The following RREB1 variants were observed in gnomAD, a reference collection of about 807,000 sequenced individuals.
RREB1 encodes the protein ras-responsive element-binding protein 1.
RREB1 carries 27 observed loss-of-function variants against 117.8 expected under a neutral mutation model. The ratio of observed to expected loss-of-function variants is 0.23; its 90% confidence interval spans 0.17 to 0.32. RREB1 has a LOEUF of 0.32. Ranked by LOEUF, RREB1 falls within the 10% of genes least tolerant of loss-of-function variation. RREB1 has a pLI of 1.00. For missense variants in RREB1, 2,577 were observed against 2,378.2 expected (o/e 1.08, Z -1.74); for synonymous variants, 1,298 against 1,026.7 (o/e 1.26, Z -5.05).
At chr6:7,108,187 C>G (rs1287143453) in intron 1 of RREB1, 127 bp downstream of exon 1, 5 of 152,222 alleles carry the variant, frequency 3.3e-5, no homozygotes, top group African/African-American at 4.8e-5. Context: ...GCGCGTTGTA[C>G]TTTTGAAACT....
At position 7,124,638 on chromosome 6, in the gene RREB1, T is replaced by G. The variant is rs141368977; in HGVS notation, c.-285+16578T>G. Among the ~76,000 whole-genome samples, 131 of 152,348 alleles carry G rather than the reference T, an allele frequency of 8.6e-4. 2 individuals are homozygous for G. The East Asian group carries it at 0.023, about 27-fold the overall frequency. ...TTGTTATAATTTAGTTTTCACCCTT[T>G]GTTGGTTGTTAGGCTTTTCATGTAG... On this transcript the variant is annotated intron_variant, in intron 1 of 12. Coordinates refer to ENST00000379938, the MANE Select transcript of RREB1 (RefSeq NM_001003699.4).
At chr6:7,228,525 G>A (rs894878613) in intron 9 of RREB1, among the ~76,000 whole-genome samples, 1 of 132,318 alleles carries the variant, frequency 7.6e-6, no homozygotes, top group Non-Finnish European at 1.6e-5. Flanking sequence ...TTTTTTTAAG[G>A]CAGAGTCTTG....
intron 1 of RREB1, among the ~76,000 whole-genome samples, chr6:7,161,579 A>G (rs1446271123): frequency 1.3e-5 from 2 of 152,118 alleles, no homozygotes; most frequent in Non-Finnish European, 1.5e-5. Context: ...GGGATCCCCC[A>G]TGCCCTCCTT....
At chr6:7,210,034 G>A (rs1766497213) in intron 6 of RREB1, among the ~76,000 whole-genome samples, 1 of 152,180 alleles carries the variant, frequency 6.6e-6, no homozygotes, top group Non-Finnish European at 1.5e-5. Context: ...TATATCTTGG[G>A]ACCTTGTTCT....
chr6:7,197,597 C>A (rs1321310895), intron 6 of RREB1, among the ~76,000 whole-genome samples: 1 of 152,172 alleles, frequency 6.6e-6, no homozygotes, highest in Non-Finnish European at 1.5e-5. Context: ...ACTCATGAGG[C>A]GGAGGCTGCA....
chr6:7,119,963 T>G (rs1561726151), intron 1 of RREB1, among the ~76,000 whole-genome samples: 1 of 152,110 alleles, frequency 6.6e-6, no homozygotes, highest in Non-Finnish European at 1.5e-5. Context: ...AAGGGAGACA[T>G]GACTTCCTGG....
intron 6 of RREB1, among the ~76,000 whole-genome samples, chr6:7,190,289 T>G (rs1765334778): frequency 6.6e-6 from 1 of 152,190 alleles, no homozygotes; most frequent in African/African-American, 2.4e-5. Context: ...AGATTTTTTT[T>G]GTTTTATTAT....
At position 7,230,601 on chromosome 6, in the gene RREB1, A is replaced by T. The variant is rs760737036; in HGVS notation, c.2502A>T (p.Ala834=). ...YVLAADGLGP[A]EAPAAEASGR... ...TGGCCGCCGACGGCCTGGGCCCCGCAGAGGCGCCGGCCGCTGAGGCGTCGG... is the reference window on the plus strand; with the variant it reads ...TGGCCGCCGACGGCCTGGGCCCCGCTGAGGCGCCGGCCGCTGAGGCGTCGG... Residue 834 remains alanine, a synonymous_variant, in exon 10 of 13, where the codon GCA becomes GCT. Transcript: ENST00000379938. The T allele has an allele frequency of 6.2e-7, 1 of 1,604,054 alleles. No individual in the cohort carries two copies. Among genetic ancestry groups the T allele is most frequent in the Non-Finnish European group, 8.5e-7 (1 of 1,175,650 alleles).
chr6:7,192,341 C>T (rs1174125085), intron 6 of RREB1, among the ~76,000 whole-genome samples: 1 of 151,680 alleles, frequency 6.6e-6, no homozygotes, highest in Admixed American at 6.6e-5. Context: ...TACAGGCGTG[C>T]ACCACCACTC....
intron 1 of RREB1, among the ~76,000 whole-genome samples, chr6:7,164,558 G>A (rs1219652548): frequency 2.0e-5 from 3 of 152,216 alleles, no homozygotes; most frequent in Admixed American, 2.0e-4. Flanking sequence ...CCACTGGTGT[G>A]TGAGTTCCCT....
intron 1 of RREB1, chr6:7,108,761 G>A (rs1760973765): frequency 6.6e-6 from 1 of 151,922 alleles, no homozygotes; most frequent in African/African-American, 2.4e-5. Context: ...GGGCTGCTCG[G>A]TGGGAGCATC....
intron 6 of RREB1, among the ~76,000 whole-genome samples, chr6:7,190,308 A>G (rs1337366246): frequency 6.6e-6 from 1 of 152,050 alleles, no homozygotes; most frequent in Non-Finnish European, 1.5e-5. Context: ...ATTTTCTTTC[A>G]TGCTATTTTG....
At chr6:7,169,400 G>A (rs1177557400) in intron 1 of RREB1, among the ~76,000 whole-genome samples, 5 of 152,194 alleles carry the variant, frequency 3.3e-5, no homozygotes, top group South Asian at 2.1e-4. Context: ...GAGTAGAGAC[G>A]ATACATGTTT....
chr6:7,231,113 C>T lies in RREB1; in HGVS notation c.3014C>T (p.Ala1005Val). The T allele has an allele frequency of 6.2e-7, 1 of 1,612,896 alleles. No individual in the cohort carries two copies. Among genetic ancestry groups the T allele is most frequent in the East Asian group, 2.2e-5 (1 of 44,858 alleles). Residue 1005 changes from alanine (A) to valine (V), a missense_variant, in exon 10 of 13, where the codon GCA (alanine) becomes GTA (valine). By Grantham distance (64) the Ala-to-Val change is moderately conservative. Coordinates refer to ENST00000379938, the MANE Select transcript of RREB1 (RefSeq NM_001003699.4). ...PAPAATPEPP[A>V]QPLQGPVQLA... The stretch of plus-strand genomic sequence containing the variant: ...CCGGCGGCCACCCCGGAACCCCCAG[C>T]ACAGCCCCTGCAGGGCCCTGTTCAG...
chr6:7,245,479 A>C (rs1354957751), intron 11 of RREB1, among the ~76,000 whole-genome samples: 2 of 152,268 alleles, frequency 1.3e-5, no homozygotes, highest in African/African-American at 4.8e-5. Context: ...GTCGTAATGC[A>C]TAATTTTAAG....
chr6:7,112,533 C>A (rs1252697666), intron 1 of RREB1, among the ~76,000 whole-genome samples: 1 of 152,088 alleles, frequency 6.6e-6, no homozygotes, highest in Non-Finnish European at 1.5e-5. Flanking sequence ...TTTCAAAGAG[C>A]AAGGGTCAGA....
intron 12 of RREB1, 123 bp downstream of exon 12, chr6:7,247,344 G>A (rs1769149857): frequency 2.4e-6 from 2 of 834,038 alleles, no homozygotes; most frequent in Admixed American, 5.8e-5. Flanking sequence ...TTGCCGGTGT[G>A]CCCTTTAAGC....
intron 8 of RREB1, chr6:7,218,595 C>T (rs142376742): frequency 6.6e-6 from 1 of 152,192 alleles, no homozygotes; most frequent in East Asian, 1.9e-4. Flanking sequence ...GTACTAGGCT[C>T]AGTTACTGGC....
At chr6:7,232,699 A>C (rs377079773) in intron 10 of RREB1, among the ~76,000 whole-genome samples, 1 of 151,908 alleles carries the variant, frequency 6.6e-6, no homozygotes, top group Admixed American at 6.6e-5. Context: ...GTGTGAAAAA[A>C]TTCTAAGTAA....
Sources: gnomAD v4.1 joint callset for allele counts (sites outside exome capture counted in the v4.1 genomes callset) on GRCh38, gnomAD v4.1.1 for gene constraint, MANE v1.5 for transcripts, NCBI Gene and HGNC (gene_info 2026-07-23, HGNC 2026-07-21) for gene names.